Variants in SMOC2 observed in about 807,000 individuals in gnomAD.
SMOC2 encodes the protein SPARC-related modular calcium-binding protein 2.
SMOC2 carries 39 observed loss-of-function variants against 61.4 expected under a neutral mutation model. That is an observed-to-expected ratio of 0.64 (90% CI 0.49 to 0.83). The LOEUF is 0.83. SMOC2 is among the 40% of genes least tolerant of loss of function. The pLI is 0.00. For missense variants in SMOC2, 556 were observed against 592.9 expected (o/e 0.94, Z 0.65); for synonymous variants, 247 against 239.9 (o/e 1.03, Z -0.27).
At position 168,662,374 on chromosome 6, in the gene SMOC2, G is replaced by A. The variant is rs374058264; in HGVS notation, c.1286-1700G>A. Among the ~76,000 whole-genome samples the A allele has an allele frequency of 1.2e-4, 18 of 152,332 alleles. No individual in the cohort carries two copies. The East Asian group carries it at 2.9e-3, about 25-fold the overall frequency. On this transcript the variant is annotated intron_variant, in intron 11 of 12. Coordinates refer to ENST00000356284, the MANE Select transcript of SMOC2 (RefSeq NM_001166412.2). Reference sequence around the variant, plus strand: ...GCAGGGAGGAGGCCCTGCAAGGTGCGAGTGAGTGGAGACTGGAGGAGCAGA... The same window carrying A: ...GCAGGGAGGAGGCCCTGCAAGGTGCAAGTGAGTGGAGACTGGAGGAGCAGA...
At chr6:168,572,287 A>T (rs371341470) in intron 7 of SMOC2, among the ~76,000 whole-genome samples, 8 of 32,072 alleles carry the variant, frequency 2.5e-4, no homozygotes, top group South Asian at 3.8e-3. Context: ...CCCTGAACGC[A>T]ATGTTCACTT....
intron 9 of SMOC2, among the ~76,000 whole-genome samples, chr6:168,645,630 G>A (rs1409811687): frequency 6.6e-6 from 1 of 152,184 alleles, no homozygotes; most frequent in Admixed American, 6.5e-5. Flanking sequence ...GCACAAGAGT[G>A]GAGATAGCAT....
intron 1 of SMOC2, among the ~76,000 whole-genome samples, chr6:168,500,705 C>A (rs1368437481): frequency 6.6e-6 from 1 of 152,168 alleles, no homozygotes; most frequent in Non-Finnish European, 1.5e-5. Context: ...CTTCTCTACC[C>A]CCCGAGGAGG....
chr6:168,519,214 T>A (rs62424678), intron 2 of SMOC2, among the ~76,000 whole-genome samples: 1 of 118,682 alleles, frequency 8.4e-6, no homozygotes, highest in East Asian at 2.3e-4. Context: ...TGCATGCGTG[T>A]GTGAGAGAGT....
intron 9 of SMOC2, among the ~76,000 whole-genome samples, chr6:168,639,573 T>G (rs1786839829): frequency 6.6e-6 from 1 of 152,238 alleles, no homozygotes; most frequent in Admixed American, 6.5e-5. Context: ...ATAATTTTTC[T>G]ATTGTACTTT....
chr6:168,504,039 G>T (rs888694265), intron 1 of SMOC2, among the ~76,000 whole-genome samples: 1 of 152,072 alleles, frequency 6.6e-6, no homozygotes, highest in African/African-American at 2.4e-5. Flanking sequence ...TGGCCACCAC[G>T]ATGACACACG....
intron 2 of SMOC2, among the ~76,000 whole-genome samples, chr6:168,520,329 A>C (rs2115066217): frequency 6.6e-6 from 1 of 152,356 alleles, no homozygotes; most frequent in Non-Finnish European, 1.5e-5. Context: ...TGCCAAAATC[A>C]ATAAAAGCCA....
intron 1 of SMOC2, among the ~76,000 whole-genome samples, chr6:168,471,871 TC>T (rs1781973614): frequency 6.6e-6 from 1 of 152,208 alleles, no homozygotes. Flanking sequence ...CTTATTCAAG[TC>T]CTGTGCCCAT....
chr6:168,595,933 G>C (rs56125371), intron 7 of SMOC2, among the ~76,000 whole-genome samples: 3 of 149,220 alleles, frequency 2.0e-5, no homozygotes, highest in Non-Finnish European at 4.5e-5. Context: ...AAAGTATGTC[G>C]TGTCTGGATC....
chr6:168,518,705 TGTGA>T lies in SMOC2; in HGVS notation c.257-7637_257-7634del, dbSNP rs374221126. 2.5e-3 allele frequency among the ~76,000 whole-genome samples: 376 copies of T among 149,762 alleles called. 2 individuals carry two copies. The highest frequency in any genetic ancestry group is 0.015 in the South Asian group (65 of 4,436). The stretch of plus-strand genomic sequence containing the variant: ...GTGTGAATGTGTATGAGCGTGCATG[TGTGA>T]GTGTTATGCTTATGTGAGTGTGCAT... On this transcript the variant is annotated intron_variant, in intron 2 of 12. Coordinates refer to ENST00000356284, the MANE Select transcript of SMOC2 (RefSeq NM_001166412.2).
Position 168,549,167 on chromosome 6 carries a change from G to T in SMOC2, c.601G>T (p.Val201Phe). 6.2e-7 allele frequency: 1 copy of T among 1,614,148 alleles called. No individual in the cohort carries two copies. The highest frequency in any genetic ancestry group is 1.3e-5 in the African/African-American group (1 of 75,044). ...TTACCCTACCCTTTGGACTGAACAG[G>T]TTAAAAGTCGGCAGAACAAAACCAA... Reference protein sequence around the residue: ...SRYPTLWTEQVKSRQNKTNKN... With the variant: ...SRYPTLWTEQFKSRQNKTNKN... The change falls in exon 7 of 13, where the codon GTT (valine) becomes TTT (phenylalanine). Residue 201 changes from valine (V) to phenylalanine (F), a missense_variant. Coordinates refer to ENST00000356284, the MANE Select transcript of SMOC2 (RefSeq NM_001166412.2).
At chr6:168,582,842 C>T (rs769337568) in intron 7 of SMOC2, among the ~76,000 whole-genome samples, 1 of 152,192 alleles carries the variant, frequency 6.6e-6, no homozygotes, top group Admixed American at 6.5e-5. Context: ...ACCCGGGGGC[C>T]GAGGGTCTTT....
intron 1 of SMOC2, among the ~76,000 whole-genome samples, chr6:168,491,660 CTATT>C (rs1251552994): frequency 6.6e-6 from 1 of 152,140 alleles, no homozygotes; most frequent in Non-Finnish European, 1.5e-5. Context: ...ATTTGATACT[CTATT>C]TAAAGTATCT....
intron 9 of SMOC2, among the ~76,000 whole-genome samples, chr6:168,620,811 C>A (rs1216454513): frequency 6.6e-6 from 1 of 152,166 alleles, no homozygotes; most frequent in Non-Finnish European, 1.5e-5. Context: ...GTTATTACTT[C>A]TAGAATAAAG....
At chr6:168,502,736 TTTTAATTTAATTTAA>T (rs59846215) in intron 1 of SMOC2, among the ~76,000 whole-genome samples, 14 of 149,248 alleles carry the variant, frequency 9.4e-5, no homozygotes, top group African/African-American at 1.2e-4. Context: ...TTTTATTTTA[TTTTAATTTAATTTAA>T]TTTAATTTAA....
intron 9 of SMOC2, among the ~76,000 whole-genome samples, chr6:168,648,818 C>T (rs1787114635): frequency 6.6e-6 from 1 of 152,204 alleles, no homozygotes; most frequent in African/African-American, 2.4e-5. Flanking sequence ...CGGCAGCTCA[C>T]GTGTGCTTCA....
rs1787665319 is a variant in SMOC2, at chr6:168,666,475, G to A, written c.*37G>A. 1.2e-6 allele frequency: 2 copies of A among 1,611,618 alleles called. No homozygotes were observed. The highest frequency in any genetic ancestry group is 2.2e-5 in the South Asian group (2 of 90,728). On this transcript the variant is annotated 3_prime_UTR_variant, in exon 13 of 13. Transcript: ENST00000356284. ...CCCGAAGGCAGTTCCTAGACACATGGGAAATTTCCCTCACCAAAGAGCAAT... is the reference window on the plus strand; with the variant it reads ...CCCGAAGGCAGTTCCTAGACACATGAGAAATTTCCCTCACCAAAGAGCAAT...
At chr6:168,494,116 C>G (rs1457303643) in intron 1 of SMOC2, among the ~76,000 whole-genome samples, 2 of 152,174 alleles carry the variant, frequency 1.3e-5, no homozygotes, top group Non-Finnish European at 2.9e-5. Flanking sequence ...TGGTCTGAAT[C>G]TTGGCAAGTG....
chr6:168,503,936 C>T (rs550026832), intron 1 of SMOC2, among the ~76,000 whole-genome samples: 90 of 152,246 alleles, frequency 5.9e-4, no homozygotes, highest in African/African-American at 1.8e-3. Context: ...AATCCTCTGC[C>T]GGAGGGAGGA....
Sources: gnomAD v4.1 joint callset for allele counts (sites outside exome capture counted in the v4.1 genomes callset) on GRCh38, gnomAD v4.1.1 for gene constraint, MANE v1.5 for transcripts, NCBI Gene and HGNC (gene_info 2026-07-23, HGNC 2026-07-21) for gene names.